Variants in CHD7 observed in about 807,000 individuals in gnomAD.
CHD7 encodes ATP-dependent chromatin remodeler CHD7.
CHD7 carries 24 observed loss-of-function variants against 307.3 expected under a neutral mutation model. The ratio of observed to expected loss-of-function variants is 0.08; its 90% CI spans 0.06 to 0.11. CHD7 has a LOEUF of 0.11. Among genes scored for constraint, CHD7 ranks in the 10% least tolerant of loss-of-function variants. The probability of loss-of-function intolerance (pLI) is 1.00; values close to 1 mark genes in which losing one functional copy is unlikely to be tolerated. For synonymous variants in CHD7, 1,363 were observed against 1,349.9 expected (o/e 1.01, Z -0.21); for missense variants, 3,106 against 3,727.1 (o/e 0.83, Z 4.34).
chr8:60,770,664 TTTTTTTTC>T lies in CHD7; in HGVS notation c.1666-10329_1666-10322del, dbSNP rs1405028555. ...GCTTGAAAATGCAGAGGTTTTTAAT[TTTTTTTTC>T]TTTTTTAATCTCCCTGTGATGATTT... is the stretch of plus-strand genomic sequence containing the variant. On this transcript the variant is annotated intron_variant, in intron 2 of 37. Transcript: ENST00000423902. Among the ~76,000 whole-genome samples, 9 of 152,240 alleles carry T rather than the reference TTTTTTTTC, an allele frequency of 5.9e-5. No individual in the cohort carries two copies. In the East Asian group the frequency reaches 1.4e-3, roughly 23 times the overall value.
intron 1 of CHD7, among the ~76,000 whole-genome samples, chr8:60,709,342 G>A (rs1807169886): frequency 6.6e-6 from 1 of 152,158 alleles, no homozygotes; most frequent in African/African-American, 2.4e-5. Context: ...AGGTGGAGAT[G>A]ATAAACAGTG....
intron 1 of CHD7, among the ~76,000 whole-genome samples, chr8:60,730,456 A>G (rs1808387462): frequency 6.6e-6 from 1 of 152,238 alleles, no homozygotes; most frequent in South Asian, 2.1e-4. Context: ...ACTTGCATTA[A>G]TGATAAATGT....
chr8:60,865,391 A>G lies in CHD7; in HGVS notation c.8452A>G (p.Asn2818Asp). 6.2e-7 allele frequency: 1 copy of G among 1,613,438 alleles called. No homozygotes were observed. The highest frequency in any genetic ancestry group is 1.1e-5 in the South Asian group (1 of 90,988). ...GTTTGGCTTGGGCGGGCTGTTGAAT[A>G]ACCCTCTGTCAGCTGCTACTGGAAA... Reference protein sequence around the residue: ...NVFGLGGLLNNPLSAATGNTT... With the variant: ...NVFGLGGLLNDPLSAATGNTT... The change falls in exon 38 of 38, where the codon AAC (asparagine) becomes GAC (aspartate). Residue 2818 changes from asparagine to aspartate, a missense_variant. This residue lies in a region of CHD7 where 351 missense variants were observed against 366.2 expected (regional missense o/e 0.96). Transcript: ENST00000423902. This position sits in a 1 kb window ranked among gnomAD's most constrained non-coding sequence, Gnocchi z 4.3.
chr8:60,798,588 C>G (rs1812143084), intron 4 of CHD7, among the ~76,000 whole-genome samples: 1 of 152,188 alleles, frequency 6.6e-6, no homozygotes, highest in African/African-American at 2.4e-5. Context: ...ATGGTAGTGC[C>G]TGTCTTGCCT....
chr8:60,724,889 T>C (rs1808091850), intron 1 of CHD7, among the ~76,000 whole-genome samples: 2 of 152,206 alleles, frequency 1.3e-5, no homozygotes, highest in Non-Finnish European at 2.9e-5. Context: ...GGCCCAGGGC[T>C]ATTAGATATA....
chr8:60,680,701 T>G (rs1219636027), intron 1 of CHD7, among the ~76,000 whole-genome samples: 1 of 152,104 alleles, frequency 6.6e-6, no homozygotes, highest in Non-Finnish European at 1.5e-5. Context: ...TTAAACTAGT[T>G]TTTTTCCCCC....
intron 14 of CHD7, 111 bp from the exon 15 acceptor site, chr8:60,830,211 A>G: frequency 8.6e-7 from 1 of 1,169,536 alleles, no homozygotes; most frequent in Non-Finnish European, 1.2e-6. Context: ...GGGCTTTGAA[A>G]AATGAAAATG....
chr8:60,696,870 T>A (rs1806505656), intron 1 of CHD7, among the ~76,000 whole-genome samples: 1 of 152,022 alleles, frequency 6.6e-6, no homozygotes, highest in Non-Finnish European at 1.5e-5. Flanking sequence ...TCTAGATTGC[T>A]TGGCAGTTTT....
In CHD7 at chr8:60,853,187, T is replaced by A; in HGVS notation, c.6462T>A (p.Pro2154=). ...NPLAVGFVQT[P]PVISSAHIQD... ...TGGCAGTTGGATTTGTCCAGACTCC[T>A]CCAGTCATCTCATCTGCTCATATTC... The change falls in exon 31 of 38, where the codon CCT becomes CCA. Residue 2154 remains proline (P), a synonymous_variant. Coordinates refer to ENST00000423902, the MANE Select transcript of CHD7 (RefSeq NM_017780.4). 1 of 1,613,900 alleles carries A rather than the reference T, an allele frequency of 6.2e-7. No individual in the cohort carries two copies. Among genetic ancestry groups the A allele is most frequent in the East Asian group, 2.2e-5 (1 of 44,886 alleles).
At chr8:60,797,701 C>T (rs1297318335) in intron 4 of CHD7, among the ~76,000 whole-genome samples, 1 of 152,158 alleles carries the variant, frequency 6.6e-6, no homozygotes, top group African/African-American at 2.4e-5. Flanking sequence ...GTTAAATTGA[C>T]ATATCAAATG....
At chr8:60,817,409 T>A (rs946123933) in intron 8 of CHD7, among the ~76,000 whole-genome samples, 4 of 152,234 alleles carry the variant, frequency 2.6e-5, no homozygotes, top group Non-Finnish European at 5.9e-5. Flanking sequence ...AGTACTTTTA[T>A]GTCATAAAAT....
At chr8:60,746,532 A>G (rs1809339428) in intron 2 of CHD7, among the ~76,000 whole-genome samples, 1 of 152,262 alleles carries the variant, frequency 6.6e-6, no homozygotes, top group Non-Finnish European at 1.5e-5. Flanking sequence ...TATACCAGGT[A>G]TCAGGGAAGA....
intron 26 of CHD7, 176 bp downstream of exon 26, chr8:60,850,798 C>T: frequency 1.3e-6 from 1 of 754,350 alleles, no homozygotes; most frequent in South Asian, 1.9e-5. Flanking sequence ...TATACATTAT[C>T]TTGATAATCT....
intron 15 of CHD7, among the ~76,000 whole-genome samples, chr8:60,832,441 C>T (rs944707227): frequency 2.6e-5 from 4 of 152,104 alleles, no homozygotes; most frequent in Non-Finnish European, 4.4e-5. Context: ...CTTGTGCAGC[C>T]GTTACGGTGA....
rs1481429606 is a variant in CHD7 at position 60,781,099 on chromosome 8, T to A, written c.1765T>A (p.Ser589Thr). The part of the protein sequence containing the change: ...QLVKSDDYLP[S>T]IEQQPQQKKK... ...AGTGAAGAGTGATGATTACCTGCCA[T>A]CAATAGAACAGCAGCCACAACAAAA... is the stretch of plus-strand genomic sequence containing the variant. The change falls in exon 3 of 38, where the codon TCA becomes ACA. Residue 589 changes from serine (S) to threonine (T), a missense_variant. Ser to Thr is a moderately conservative substitution (Grantham distance 58). This residue lies in a region of CHD7 where 998 missense variants were observed against 1,004.5 expected (regional missense o/e 0.99). Coordinates refer to ENST00000423902, the MANE Select transcript of CHD7 (RefSeq NM_017780.4). The A allele has an allele frequency of 1.2e-6, 2 of 1,610,614 alleles. No individual in the cohort carries two copies. The highest frequency in any genetic ancestry group is 2.2e-5 in the South Asian group (2 of 90,294).
chr8:60,809,149 CTT>C (rs1022977276), intron 7 of CHD7, among the ~76,000 whole-genome samples: 1 of 152,140 alleles, frequency 6.6e-6, no homozygotes, highest in Non-Finnish European at 1.5e-5. Flanking sequence ...GTCATTCTCT[CTT>C]GTTGTAGTTG....
chr8:60,818,861 A>G (rs559922388), intron 8 of CHD7, among the ~76,000 whole-genome samples: 15 of 152,342 alleles, frequency 9.8e-5, no homozygotes, highest in Admixed American at 5.9e-4. Flanking sequence ...GTTATTGATA[A>G]GTTAATTGAG....
At chr8:60,752,278 T>A (rs1284102431) in intron 2 of CHD7, among the ~76,000 whole-genome samples, 2 of 152,208 alleles carry the variant, frequency 1.3e-5, no homozygotes, top group Non-Finnish European at 2.9e-5. Flanking sequence ...CATTGGAGAA[T>A]ATTGAGGAGG....
At chr8:60,731,035 A>T (rs1371431278) in intron 1 of CHD7, among the ~76,000 whole-genome samples, 1 of 152,156 alleles carries the variant, frequency 6.6e-6, no homozygotes, top group African/African-American at 2.4e-5. Context: ...CTGCCCATTC[A>T]GTCACTTTGT....
Sources: gnomAD v4.1 joint callset for allele counts (sites outside exome capture counted in the v4.1 genomes callset) on GRCh38, gnomAD v4.1.1 for gene constraint, gnomAD v4.1.1 regional missense constraint, Gnocchi (gnomAD v3.1) non-coding constraint, MANE v1.5 for transcripts, NCBI Gene and HGNC (gene_info 2026-07-23, HGNC 2026-07-21) for gene names.